The following SLC39A11 variants were observed in gnomAD, a reference collection of about 807,000 sequenced individuals.
The protein encoded by SLC39A11 is solute carrier family 39 member 11, also known as zinc transporter ZIP11.
A neutral mutation model predicts 36.1 loss-of-function variants in SLC39A11; 33 were observed. That is an observed-to-expected ratio of 0.91 (90% CI 0.69 to 1.22). The LOEUF is 1.22. Ranked by LOEUF, SLC39A11 falls within the 50% of genes most tolerant of loss-of-function variation. The pLI is 0.00. For missense variants in SLC39A11, 432 were observed against 430.3 expected (o/e 1.00, Z -0.03); for synonymous variants, 166 against 170.3 (o/e 0.97, Z 0.20).
chr17:72,935,242 G>A (rs1396709718), intron 5 of SLC39A11, among the ~76,000 whole-genome samples: 7 of 152,184 alleles, frequency 4.6e-5, no homozygotes, highest in African/African-American at 1.7e-4. Flanking sequence ...AATGCATGAC[G>A]CCAAGTAGAA....
chr17:72,699,950 TC>T (rs1260564282), intron 7 of SLC39A11, among the ~76,000 whole-genome samples: 1 of 152,042 alleles, frequency 6.6e-6, no homozygotes, highest in African/African-American at 2.4e-5. Context: ...AAAAAATCAG[TC>T]CACGAAAAAC....
At chr17:72,947,687 C>A in intron 5 of SLC39A11, 65 bp downstream of exon 5, 1 of 1,610,058 alleles carries the variant, frequency 6.2e-7, no homozygotes, top group Non-Finnish European at 8.5e-7. Context: ...GCCCCCACGT[C>A]CATATTGCCT....
chr17:72,817,293 C>CGGAA (rs2077613383), intron 6 of SLC39A11, among the ~76,000 whole-genome samples: 2 of 118,588 alleles, frequency 1.7e-5, no homozygotes, highest in South Asian at 2.8e-4. Flanking sequence ...GCATGAGAGA[C>CGGAA]GGAAGGAAGG....
intron 6 of SLC39A11, among the ~76,000 whole-genome samples, chr17:72,787,146 G>A (rs4793309): frequency 0.61 from 92,699 of 151,722 alleles, 30,013 homozygotes; most frequent in Non-Finnish European, 0.74. Flanking sequence ...AAGATGCAGT[G>A]CAGCAGACCT....
At chr17:72,850,466 G>A (rs11651641) in intron 5 of SLC39A11, among the ~76,000 whole-genome samples, 12 of 148,248 alleles carry the variant, frequency 8.1e-5, no homozygotes, top group Non-Finnish European at 8.9e-5. Flanking sequence ...AAAAGAAAAA[G>A]AAAAAAAAAA....
intron 5 of SLC39A11, among the ~76,000 whole-genome samples, chr17:72,928,635 G>A (rs2084198439): frequency 6.6e-6 from 1 of 152,148 alleles, no homozygotes; most frequent in South Asian, 2.1e-4. Context: ...CCAGGGCCCT[G>A]ATAGTTGATT....
intron 6 of SLC39A11, among the ~76,000 whole-genome samples, chr17:72,849,333 C>T (rs184012675): frequency 2.6e-5 from 4 of 152,294 alleles, no homozygotes; most frequent in African/African-American, 9.6e-5. Context: ...ATAAAAGATA[C>T]CCTCCACAGC....
At chr17:72,780,343 G>C (rs919934490) in intron 6 of SLC39A11, among the ~76,000 whole-genome samples, 2 of 152,102 alleles carry the variant, frequency 1.3e-5, no homozygotes, top group East Asian at 3.9e-4. Flanking sequence ...TCATGTCTCT[G>C]GGCTGATCAT....
intron 3 of SLC39A11, among the ~76,000 whole-genome samples, chr17:73,054,294 G>A (rs751490446): frequency 2.6e-5 from 4 of 151,150 alleles, no homozygotes; most frequent in East Asian, 2.0e-4. Context: ...CCCGGGAGGC[G>A]GAGGTTGCAG....
At chr17:73,012,352 A>G (rs905707231) in intron 4 of SLC39A11, among the ~76,000 whole-genome samples, 4 of 152,144 alleles carry the variant, frequency 2.6e-5, no homozygotes, top group Non-Finnish European at 5.9e-5. Flanking sequence ...GGAATACCCC[A>G]TTTTCCATGA....
At chr17:73,053,318 G>A (rs963033695) in intron 3 of SLC39A11, among the ~76,000 whole-genome samples, 4 of 151,794 alleles carry the variant, frequency 2.6e-5, no homozygotes, top group African/African-American at 7.3e-5. Context: ...ATAGGAGTCT[G>A]TATGGAGAAG....
intron 6 of SLC39A11, among the ~76,000 whole-genome samples, chr17:72,751,421 C>CT (rs1452802064): frequency 1.1e-4 from 17 of 152,220 alleles, no homozygotes; most frequent in African/African-American, 4.1e-4. Flanking sequence ...TAATTAGGTT[C>CT]TTTCCTTCCT....
chr17:73,047,157 T>C (rs568328360), intron 3 of SLC39A11, among the ~76,000 whole-genome samples: 41 of 151,818 alleles, frequency 2.7e-4, no homozygotes, highest in African/African-American at 8.9e-4. Flanking sequence ...CCCGAGTAGC[T>C]GGGACTACAG....
rs934031574 is a variant in SLC39A11 at position 72,658,927 on chromosome 17, G to A, written c.672-9659C>T. On this transcript the variant is annotated intron_variant, in intron 7 of 9. Transcript: ENST00000255559. ...ACTGCCCGAGGCTGCTGAATGAGGC[G>A]GTGATGAGCTGGGCACTGAAGCCTC... 4.6e-5 allele frequency among the ~76,000 whole-genome samples: 7 copies of A among 152,284 alleles called. No homozygotes were observed. In the East Asian group the frequency reaches 9.6e-4, roughly 21 times the overall value.
chr17:72,991,285 C>A (rs1222724572), intron 4 of SLC39A11, among the ~76,000 whole-genome samples: 1 of 152,062 alleles, frequency 6.6e-6, no homozygotes, highest in Non-Finnish European at 1.5e-5. Flanking sequence ...TTATTTTATA[C>A]AATTTCAAAC....
intron 6 of SLC39A11, among the ~76,000 whole-genome samples, chr17:72,750,227 C>A (rs2075101584): frequency 6.6e-6 from 1 of 152,128 alleles, no homozygotes; most frequent in South Asian, 2.1e-4. Context: ...CTATTCCTCC[C>A]CCAAGTTCAC....
intron 4 of SLC39A11, among the ~76,000 whole-genome samples, chr17:73,000,903 G>A (rs1377980792): frequency 1.3e-5 from 2 of 152,196 alleles, no homozygotes; most frequent in Middle Eastern, 3.2e-3. Flanking sequence ...AAAGGGACAC[G>A]TTCCTTTCTG....
At position 72,937,091 on chromosome 17, in the gene SLC39A11, G is replaced by C. The variant is rs185712688; in HGVS notation, c.430+10661C>G. 1.1e-3 allele frequency among the ~76,000 whole-genome samples: 171 copies of C among 152,316 alleles called. 1 individual carries two copies. The highest frequency in any genetic ancestry group is 3.9e-3 in the African/African-American group (162 of 41,562). ...AGGGCTGCCTTTGCCATGGTCAGCT[G>C]ATATCCTTCTCTCTTTGTTATTTAC... is the stretch of plus-strand genomic sequence containing the variant. On this transcript the variant is annotated intron_variant, in intron 5 of 9. Coordinates refer to ENST00000255559, the MANE Select transcript of SLC39A11 (RefSeq NM_139177.4).
At chr17:72,803,050 G>A (rs1296978997) in intron 6 of SLC39A11, among the ~76,000 whole-genome samples, 5 of 152,166 alleles carry the variant, frequency 3.3e-5, no homozygotes, top group Non-Finnish European at 7.4e-5. Context: ...AAACAAAAAC[G>A]GAACGTCCTG....
Sources: gnomAD v4.1 joint callset for allele counts (sites outside exome capture counted in the v4.1 genomes callset) on GRCh38, gnomAD v4.1.1 for gene constraint, MANE v1.5 for transcripts, NCBI Gene and HGNC (gene_info 2026-07-23, HGNC 2026-07-21) for gene names.